Variants in DCDC1 observed in about 807,000 individuals in gnomAD.
DCDC1 encodes doublecortin domain containing 1.
A neutral mutation model predicts 178.3 loss-of-function variants in DCDC1; 200 were observed. The ratio of observed to expected loss-of-function variants is 1.12; its 90% CI spans 1.00 to 1.26. DCDC1 has a LOEUF of 1.26. Ranked by LOEUF, DCDC1 falls within the 50% of genes most tolerant of loss-of-function variation. The pLI, the probability that DCDC1 is intolerant of heterozygous loss-of-function variation, is 0.00. For missense variants in DCDC1, 1,983 were observed against 1,749.2 expected (o/e 1.13, Z -2.38); for synonymous variants, 690 against 604.8 (o/e 1.14, Z -2.07).
chr11:31,314,778 C>T (rs577969421), intron 3 of DCDC1, among the ~76,000 whole-genome samples: 2 of 152,318 alleles, frequency 1.3e-5, no homozygotes, highest in South Asian at 4.1e-4. Flanking sequence ...GATTATGTCA[C>T]TTAACGACAT....
intron 38 of DCDC1, among the ~76,000 whole-genome samples, chr11:30,874,449 G>A (rs756465273): frequency 6.6e-6 from 1 of 152,110 alleles, no homozygotes; most frequent in Non-Finnish European, 1.5e-5. Flanking sequence ...TGAAAGATGG[G>A]ATTTAAAGAC....
At chr11:31,237,813 A>G (rs1465401802) in intron 9 of DCDC1, among the ~76,000 whole-genome samples, 2 of 152,036 alleles carry the variant, frequency 1.3e-5, no homozygotes, top group South Asian at 2.1e-4. Flanking sequence ...TCAAACAATC[A>G]TTTTATTCCG....
At chr11:31,140,242 T>C (rs1963650376) in intron 9 of DCDC1, among the ~76,000 whole-genome samples, 2 of 152,212 alleles carry the variant, frequency 1.3e-5, no homozygotes, top group Admixed American at 6.5e-5. Flanking sequence ...GGGTTTGATA[T>C]TTCTGAGGTT....
In DCDC1 at chr11:31,064,387, T is replaced by G. The variant is rs538646120; in HGVS notation, c.2591+82A>C. 747 of 652,826 alleles carry G rather than the reference T, an allele frequency of 1.1e-3. 8 individuals carry two copies. In the South Asian group the frequency reaches 0.014, roughly 12 times the overall value. The allele number at this position is 652,826 out of a possible 1,614,324, so 40.4% of individuals were successfully genotyped here. On this transcript the variant is annotated intron_variant, in intron 20 of 38. Coordinates refer to ENST00000684477, the MANE Select transcript of DCDC1 (RefSeq NM_001387274.1). ...GGCTTTTGAGATATTTCAATTATCT[T>G]CAAGAAATCAATCTTACATGAAACT...
intron 1 of DCDC1, among the ~76,000 whole-genome samples, chr11:31,349,027 A>ATT (rs146672032): frequency 1.5e-5 from 2 of 137,916 alleles, no homozygotes; most frequent in Non-Finnish European, 3.2e-5. Context: ...ATAATAGCTT[A>ATT]TTTTTTTTTA....
intron 11 of DCDC1, among the ~76,000 whole-genome samples, chr11:31,125,065 A>G (rs1961402627): frequency 6.6e-6 from 1 of 152,162 alleles, no homozygotes; most frequent in East Asian, 1.9e-4. Context: ...TTTACATGGA[A>G]CTTAAGCAAA....
chr11:31,155,034 T>C (rs2136122423), intron 9 of DCDC1, among the ~76,000 whole-genome samples: 1 of 152,364 alleles, frequency 6.6e-6, no homozygotes, highest in Middle Eastern at 3.4e-3. Flanking sequence ...GATTTATTTT[T>C]ACTTAGTTCT....
intron 9 of DCDC1, among the ~76,000 whole-genome samples, chr11:31,201,390 C>A (rs1248774889): frequency 6.6e-6 from 1 of 151,600 alleles, no homozygotes; most frequent in Non-Finnish European, 1.5e-5. Flanking sequence ...CAAAAATATT[C>A]ATACTAAAAT....
intron 36 of DCDC1, among the ~76,000 whole-genome samples, chr11:30,888,114 G>GAA (rs1554959026): frequency 8.0e-6 from 1 of 125,268 alleles, no homozygotes; most frequent in South Asian, 2.6e-4. Flanking sequence ...AAGAAAGAAA[G>GAA]AAAGAAAGAA....
intron 9 of DCDC1, among the ~76,000 whole-genome samples, chr11:31,158,573 C>T (rs945244437): frequency 1.3e-5 from 2 of 152,160 alleles, no homozygotes; most frequent in East Asian, 3.8e-4. Flanking sequence ...CTCTCTGCTT[C>T]TATACATTTG....
At chr11:30,962,259 G>A (rs1949146894) in intron 20 of DCDC1, among the ~76,000 whole-genome samples, 1 of 151,914 alleles carries the variant, frequency 6.6e-6, no homozygotes, top group South Asian at 2.1e-4. Flanking sequence ...GGAATATTTT[G>A]TACAAACTAA....
chr11:31,354,051 G>T (rs1314385636), intron 1 of DCDC1, among the ~76,000 whole-genome samples: 1 of 152,200 alleles, frequency 6.6e-6, no homozygotes, highest in African/African-American at 2.4e-5. Flanking sequence ...ACTTTGGGAG[G>T]CCAAGGCGGG....
intron 3 of DCDC1, among the ~76,000 whole-genome samples, chr11:31,312,984 C>T (rs968347656): frequency 6.6e-6 from 1 of 151,202 alleles, no homozygotes; most frequent in African/African-American, 2.4e-5. Flanking sequence ...AGCAAGACCT[C>T]GTCTCTAAAA....
chr11:30,945,519 C>A (rs955541195), intron 21 of DCDC1, among the ~76,000 whole-genome samples: 11 of 151,678 alleles, frequency 7.3e-5, no homozygotes, highest in Non-Finnish European at 1.3e-4. Flanking sequence ...CATGGTGAAA[C>A]CCTACCTCTA....
At chr11:31,171,098 G>A (rs1173123825) in intron 9 of DCDC1, among the ~76,000 whole-genome samples, 2 of 152,134 alleles carry the variant, frequency 1.3e-5, no homozygotes, top group African/African-American at 2.4e-5. Context: ...AAAGTGCTGG[G>A]ATTACAGACG....
chr11:31,009,952 A>C (rs181126884), intron 20 of DCDC1, among the ~76,000 whole-genome samples: 5 of 152,280 alleles, frequency 3.3e-5, no homozygotes, highest in Non-Finnish European at 7.3e-5. Flanking sequence ...AAACCATCAG[A>C]TCCTGTGAGA....
intron 8 of DCDC1, among the ~76,000 whole-genome samples, chr11:31,261,075 T>G (rs1944751085): frequency 6.6e-6 from 1 of 152,186 alleles, no homozygotes; most frequent in African/African-American, 2.4e-5. Context: ...ATTAATATAT[T>G]TCATCATAAA....
At chr11:30,919,511 T>C (rs1946091121) in intron 25 of DCDC1, among the ~76,000 whole-genome samples, 1 of 152,186 alleles carries the variant, frequency 6.6e-6, no homozygotes, top group Non-Finnish European at 1.5e-5. Flanking sequence ...TTACTTTCTG[T>C]TTATTTTTTT....
intron 6 of DCDC1, among the ~76,000 whole-genome samples, 169 bp from the exon 7 acceptor site, chr11:31,291,021 T>A (rs537908701): frequency 1.3e-5 from 2 of 152,188 alleles, no homozygotes; most frequent in East Asian, 3.9e-4. Context: ...TGACATAAGC[T>A]GTAGCAAGCT....
Sources: gnomAD v4.1 joint callset for allele counts (sites outside exome capture counted in the v4.1 genomes callset) on GRCh38, gnomAD v4.1.1 for gene constraint, MANE v1.5 for transcripts, NCBI Gene and HGNC (gene_info 2026-07-23, HGNC 2026-07-21) for gene names.